The following IQCM variants were observed in gnomAD, a reference collection of about 807,000 sequenced individuals.
IQCM encodes IQ domain-containing protein M.
In IQCM, 45 loss-of-function variants were observed where a neutral mutation model predicts 57.6. The ratio of observed to expected loss-of-function variants is 0.78; its 90% CI spans 0.62 to 1.00. IQCM has a LOEUF of 1.00. IQCM is among the 50% of genes least tolerant of loss of function. The pLI, the probability that IQCM is intolerant of heterozygous loss-of-function variation, is 0.00. For missense variants in IQCM, 468 were observed against 511.6 expected (o/e 0.91, Z 0.82); for synonymous variants, 148 against 158.9 (o/e 0.93, Z 0.51).
chr4:149,518,545 C>T, intron 12 of IQCM, among the ~76,000 whole-genome samples: 1 of 152,062 alleles, frequency 6.6e-6, no homozygotes. Context: ...GGGGCTGTCT[C>T]ATTAGCATAT....
intron 2 of IQCM, among the ~76,000 whole-genome samples, chr4:149,755,116 C>T (rs6836324): frequency 0.02 from 3,069 of 152,286 alleles, 118 homozygotes; most frequent in African/African-American, 0.071. Context: ...AACACCTTTA[C>T]TATTAACACT....
intron 13 of IQCM, among the ~76,000 whole-genome samples, chr4:149,391,467 G>T (rs1042186699): frequency 6.6e-5 from 10 of 151,174 alleles, no homozygotes; most frequent in African/African-American, 2.4e-4. Context: ...TCAATATATT[G>T]TTTTCTATTA....
chr4:149,520,398 G>A (rs1318582714), intron 12 of IQCM, among the ~76,000 whole-genome samples: 1 of 151,858 alleles, frequency 6.6e-6, no homozygotes, highest in Non-Finnish European at 1.5e-5. Context: ...GTTGTCCCAG[G>A]GTAATTATTA....
intron 10 of IQCM, among the ~76,000 whole-genome samples, chr4:149,559,022 C>T (rs1365077867): frequency 2.0e-5 from 3 of 152,078 alleles, no homozygotes; most frequent in Non-Finnish European, 4.4e-5. Flanking sequence ...CCCTTAAATT[C>T]CACATTTCTC....
At chr4:149,729,699 T>C (rs1019757031) in intron 5 of IQCM, among the ~76,000 whole-genome samples, 40 of 152,016 alleles carry the variant, frequency 2.6e-4, no homozygotes, top group African/African-American at 9.4e-4. Flanking sequence ...GCAGTCATTT[T>C]TTTTAATATA....
At chr4:149,489,711 C>G (rs1463444240) in intron 12 of IQCM, among the ~76,000 whole-genome samples, 2 of 151,734 alleles carry the variant, frequency 1.3e-5, no homozygotes, top group Non-Finnish European at 2.9e-5. Flanking sequence ...AAAAATTGAC[C>G]TGCTTTGCTG....
At chr4:149,444,016 A>G (rs1736244412) in intron 12 of IQCM, among the ~76,000 whole-genome samples, 1 of 151,968 alleles carries the variant, frequency 6.6e-6, no homozygotes, top group African/African-American at 2.4e-5. Flanking sequence ...ATTCATTAAA[A>G]GGATCAAAAA....
Position 149,621,424 on chromosome 4 carries a change from G to A in IQCM, c.566-180C>T, listed in dbSNP as rs538398629. The stretch of plus-strand genomic sequence containing the variant: ...TGAAGACATGATAGGATTGCATAGA[G>A]AGAGGCTTCAATTAATTGGCTCCTT... On this transcript the variant is annotated intron_variant, in intron 7 of 13. Coordinates refer to ENST00000636793, the MANE Select transcript of IQCM (RefSeq NM_001363507.2). Among the ~76,000 whole-genome samples, 4 of 152,186 alleles carry A rather than the reference G, an allele frequency of 2.6e-5. No individual in the cohort carries two copies. The East Asian group carries it at 5.8e-4, about 22-fold the overall frequency.
At chr4:149,753,541 T>C (rs1561235319) in intron 2 of IQCM, among the ~76,000 whole-genome samples, 1 of 150,732 alleles carries the variant, frequency 6.6e-6, no homozygotes, top group African/African-American at 2.4e-5. Context: ...TGAAATGAGA[T>C]AGAGAAAGAA....
intron 8 of IQCM, among the ~76,000 whole-genome samples, chr4:149,617,993 T>C (rs1286712350): frequency 3.9e-5 from 6 of 152,136 alleles, no homozygotes; most frequent in African/African-American, 1.4e-4. Context: ...CTTCACAGGA[T>C]TAGAACAAAT....
intron 12 of IQCM, among the ~76,000 whole-genome samples, chr4:149,434,562 T>C (rs1000107745): frequency 3.9e-5 from 6 of 152,084 alleles, no homozygotes; most frequent in Non-Finnish European, 5.9e-5. Flanking sequence ...CTTTATTTTG[T>C]TACATGTCAT....
intron 7 of IQCM, among the ~76,000 whole-genome samples, chr4:149,664,458 C>T (rs931239925): frequency 4.6e-5 from 7 of 152,162 alleles, no homozygotes; most frequent in Non-Finnish European, 1.0e-4. Context: ...TAGGGAGAGA[C>T]TTTTTCCTGC....
intron 8 of IQCM, among the ~76,000 whole-genome samples, chr4:149,594,067 GC>G (rs1753508549): frequency 6.6e-6 from 1 of 152,094 alleles, no homozygotes; most frequent in Non-Finnish European, 1.5e-5. Flanking sequence ...GTAGAATTTG[GC>G]TGTGAATCCA....
intron 13 of IQCM, among the ~76,000 whole-genome samples, chr4:149,359,663 G>A (rs1729336523): frequency 6.6e-6 from 1 of 152,016 alleles, no homozygotes; most frequent in Non-Finnish European, 1.5e-5. Context: ...TTTCTCAAAG[G>A]TTTGAAGTAT....
At chr4:149,750,558 T>C (rs1225100767) in intron 2 of IQCM, among the ~76,000 whole-genome samples, 1 of 152,112 alleles carries the variant, frequency 6.6e-6, no homozygotes, top group Non-Finnish European at 1.5e-5. Context: ...TTATGAAGAG[T>C]CCCGTATCAA....
intron 12 of IQCM, among the ~76,000 whole-genome samples, chr4:149,486,312 A>G (rs1741507195): frequency 2.0e-5 from 3 of 151,980 alleles, no homozygotes; most frequent in Admixed American, 6.6e-5. Flanking sequence ...ATTTTACTTG[A>G]CATTCTATTG....
chr4:149,373,709 T>C (rs1730518363), intron 13 of IQCM, among the ~76,000 whole-genome samples: 1 of 152,060 alleles, frequency 6.6e-6, no homozygotes, highest in African/African-American at 2.4e-5. Context: ...TATACGAGCA[T>C]TTATAAATAT....
At chr4:149,623,979 A>T (rs190057652) in intron 7 of IQCM, among the ~76,000 whole-genome samples, 1 of 152,332 alleles carries the variant, frequency 6.6e-6, no homozygotes, top group East Asian at 1.9e-4. Context: ...ATAACTACTC[A>T]TACTGATATC....
chr4:149,493,932 A>C (rs2149780789), intron 12 of IQCM, among the ~76,000 whole-genome samples: 1 of 151,998 alleles, frequency 6.6e-6, no homozygotes, highest in Admixed American at 6.6e-5. Context: ...TTGGCATATA[A>C]ATTTCTGAAG....
Sources: gnomAD v4.1 joint callset for allele counts (sites outside exome capture counted in the v4.1 genomes callset) on GRCh38, gnomAD v4.1.1 for gene constraint, MANE v1.5 for transcripts, NCBI Gene and HGNC (gene_info 2026-07-23, HGNC 2026-07-21) for gene names.